The following AGBL4 variants were observed in gnomAD, a reference collection of about 807,000 sequenced individuals.
AGBL4 encodes the protein AGBL carboxypeptidase 4.
AGBL4 carries 58 observed loss-of-function variants against 66.4 expected under a neutral mutation model. That is an observed-to-expected ratio of 0.87 (90% CI 0.71 to 1.09). The LOEUF is 1.09. AGBL4 is among the 50% of genes least tolerant of loss of function. The pLI, the probability that AGBL4 is intolerant of heterozygous loss-of-function variation, is 0.00. For missense variants in AGBL4, 579 were observed against 631.0 expected (o/e 0.92, Z 0.88); for synonymous variants, 234 against 222.9 (o/e 1.05, Z -0.44).
intron 6 of AGBL4, among the ~76,000 whole-genome samples, chr1:48,836,323 A>C (rs1003839125): frequency 6.6e-6 from 1 of 151,012 alleles, no homozygotes; most frequent in Non-Finnish European, 1.5e-5. Flanking sequence ...AAAAGTAGGA[A>C]TCTGCAAACC....
chr1:49,095,956 T>C (rs1365759565), intron 4 of AGBL4, among the ~76,000 whole-genome samples: 1 of 151,972 alleles, frequency 6.6e-6, no homozygotes, highest in Non-Finnish European at 1.5e-5. Context: ...AAAGGGCTAA[T>C]ATCCAGAATC....
At chr1:49,994,119 T>A (rs1660173076) in intron 1 of AGBL4, among the ~76,000 whole-genome samples, 2 of 152,122 alleles carry the variant, frequency 1.3e-5, no homozygotes, top group Non-Finnish European at 2.9e-5. Context: ...TACTTAATGC[T>A]TGCTAACATC....
chr1:49,737,559 G>A (rs1440966053), intron 2 of AGBL4, among the ~76,000 whole-genome samples: 2 of 152,164 alleles, frequency 1.3e-5, no homozygotes, highest in Admixed American at 6.6e-5. Flanking sequence ...GGCAAGAGCT[G>A]AAAAACTAAG....
At chr1:49,894,906 G>T (rs1056960465) in intron 1 of AGBL4, among the ~76,000 whole-genome samples, 1 of 152,020 alleles carries the variant, frequency 6.6e-6, no homozygotes, top group Non-Finnish European at 1.5e-5. Context: ...CAATATTCAA[G>T]TACAGGTTAT....
intron 3 of AGBL4, among the ~76,000 whole-genome samples, chr1:49,668,289 T>A (rs1432861303): frequency 6.6e-6 from 1 of 152,180 alleles, no homozygotes; most frequent in African/African-American, 2.4e-5. Flanking sequence ...AAGAAATGAT[T>A]GAATTTTTGC....
intron 10 of AGBL4, among the ~76,000 whole-genome samples, chr1:48,587,541 T>C (rs532321072): frequency 2.4e-4 from 36 of 151,954 alleles, no homozygotes; most frequent in Non-Finnish European, 4.6e-4. Context: ...GGTGGAAGGA[T>C]TGCTTGAGCC....
rs140402729 is a variant in AGBL4 at position 48,552,194 on chromosome 1, G to C, written c.1268-12456C>G. On this transcript the variant is annotated intron_variant, in intron 11 of 13. Transcript: ENST00000371839. ...TTCTCCTGCCTCAGCCTCCCAAGTA[G>C]CTGGGACTACAGGTGTGTGCCACCA... 6.0e-3 allele frequency among the ~76,000 whole-genome samples: 920 copies of C among 152,232 alleles called. 10 individuals carry two copies. The highest frequency in any genetic ancestry group is 0.021 in the African/African-American group (877 of 41,536).
chr1:48,824,821 C>T (rs1473628339), intron 6 of AGBL4, among the ~76,000 whole-genome samples: 2 of 152,182 alleles, frequency 1.3e-5, no homozygotes, highest in African/African-American at 2.4e-5. Flanking sequence ...AGCGAGGAAG[C>T]AGATGTGCTC....
At chr1:49,370,921 T>C (rs1279537507) in intron 3 of AGBL4, among the ~76,000 whole-genome samples, 1 of 152,174 alleles carries the variant, frequency 6.6e-6, no homozygotes. Context: ...CCTTCCATAA[T>C]GTGGGTGGGC....
At chr1:49,739,547 A>C (rs1197141351) in intron 2 of AGBL4, among the ~76,000 whole-genome samples, 5 of 152,194 alleles carry the variant, frequency 3.3e-5, no homozygotes, top group Non-Finnish European at 7.3e-5. Context: ...TTCAGGAAAT[A>C]CTGAGAACGC....
chr1:48,613,129 G>A (rs1479896801), intron 9 of AGBL4, among the ~76,000 whole-genome samples: 7 of 150,668 alleles, frequency 4.6e-5, no homozygotes, highest in African/African-American at 9.7e-5. Flanking sequence ...GCAATACTCC[G>A]CCTCAAAAAA....
intron 3 of AGBL4, among the ~76,000 whole-genome samples, chr1:49,541,981 C>G (rs1652076005): frequency 6.6e-6 from 1 of 151,600 alleles, no homozygotes; most frequent in Non-Finnish European, 1.5e-5. Flanking sequence ...GTGCCCAGCT[C>G]AAGGTTTGTA....
At chr1:49,973,201 C>A (rs1658277633) in intron 1 of AGBL4, among the ~76,000 whole-genome samples, 1 of 152,298 alleles carries the variant, frequency 6.6e-6, no homozygotes, top group Middle Eastern at 3.4e-3. Flanking sequence ...CCCTTACTCA[C>A]CCCTTGCCTG....
intron 5 of AGBL4, among the ~76,000 whole-genome samples, chr1:48,997,857 C>T (rs144605899): frequency 1.2e-3 from 183 of 152,326 alleles, no homozygotes; most frequent in African/African-American, 4.3e-3. Context: ...GTCATCATTA[C>T]TGCTACTTCT....
In AGBL4 at chr1:49,580,458, T is replaced by G. The variant is rs1644521150; in HGVS notation, c.282+116855A>C. On this transcript the variant is annotated intron_variant, in intron 3 of 13. Coordinates refer to ENST00000371839, the MANE Select transcript of AGBL4 (RefSeq NM_032785.4). ...TCTGTAATGGTGCAATTTGATTCCTTTCTCTTCCTCCTTTGTGCAATTGCT... is the reference window on the plus strand; with the variant it reads ...TCTGTAATGGTGCAATTTGATTCCTGTCTCTTCCTCCTTTGTGCAATTGCT... 2.0e-5 allele frequency among the ~76,000 whole-genome samples: 3 copies of G among 152,342 alleles called. No homozygotes were observed. The South Asian group carries it at 6.2e-4, about 32-fold the overall frequency.
intron 4 of AGBL4, among the ~76,000 whole-genome samples, chr1:49,091,084 A>T (rs565052790): frequency 2.0e-5 from 3 of 152,280 alleles, no homozygotes; most frequent in Non-Finnish European, 4.4e-5. Context: ...ACAAAAATAA[A>T]CTCAAGATGG....
chr1:49,206,376 G>A (rs932622910), intron 4 of AGBL4, among the ~76,000 whole-genome samples: 1 of 151,932 alleles, frequency 6.6e-6, no homozygotes, highest in Non-Finnish European at 1.5e-5. Flanking sequence ...CCCTATAAAG[G>A]GGCAGAGCCT....
At chr1:48,727,346 T>G (rs1191535664) in intron 6 of AGBL4, among the ~76,000 whole-genome samples, 1 of 152,218 alleles carries the variant, frequency 6.6e-6, no homozygotes, top group African/African-American at 2.4e-5. Context: ...GAAAGAGATC[T>G]GCTTTTGAGA....
At chr1:49,795,626 C>CGT (rs138283870) in intron 2 of AGBL4, among the ~76,000 whole-genome samples, 40 of 150,162 alleles carry the variant, frequency 2.7e-4, no homozygotes, top group South Asian at 1.7e-3. Context: ...AACCACAGAC[C>CGT]GTGTGTGTGT....
Sources: allele counts gnomAD v4.1 joint callset (sites outside exome capture counted in the v4.1 genomes callset), GRCh38; gene constraint gnomAD v4.1.1; transcripts MANE v1.5; gene names NCBI Gene and HGNC (gene_info 2026-07-23, HGNC 2026-07-21).